KLHL25: variants seen among roughly 807,000 people sequenced by gnomAD.
KLHL25 encodes kelch like family member 25.
Under a neutral mutation model 30.0 loss-of-function variants are expected in KLHL25, and 41 were observed. The ratio of observed to expected loss-of-function variants is 1.37; its 90% CI spans 1.07 to 1.78. The LOEUF is 1.78. Among genes scored for constraint, KLHL25 ranks in the 40% most tolerant of loss-of-function variants. KLHL25 has a pLI of 0.00. For missense variants in KLHL25, 971 were observed against 824.5 expected, an observed-to-expected ratio of 1.18 and a Z score of -2.18; for synonymous variants, 399 against 355.3, an observed-to-expected ratio of 1.12 and a Z score of -1.38.
chr15:85,777,413 A>G (rs2542595), intron 1 of KLHL25, among the ~76,000 whole-genome samples: 63,422 of 151,988 alleles, frequency 0.42, 13,371 homozygotes, highest in Non-Finnish European at 0.44. Flanking sequence ...ACACAGACAC[A>G]GTGTCCCTTG....
chr15:85,768,681 G>A lies in KLHL25; in HGVS notation c.1130C>T (p.Ala377Val). The A allele has an allele frequency of 6.2e-7, 1 of 1,613,292 alleles. No individual in the cohort carries two copies. Among genetic ancestry groups the A allele is most frequent in the Non-Finnish European group, 8.5e-7 (1 of 1,179,628 alleles). ...EWSKAAPMLI[A>V]RFGHGSAELE... ...CTCAGCTGAGCCATGGCCAAAGCGG[G>A]CAATCAGCATGGGCGCCGCCTTGGA... The change falls in exon 2 of 3, where the codon GCC becomes GTC. Residue 377 changes from alanine (A) to valine (V), a missense_variant. By Grantham distance (64) the Ala-to-Val change is moderately conservative. Transcript: ENST00000337975.
At chr15:85,781,336 G>T (rs537758028) in intron 1 of KLHL25, among the ~76,000 whole-genome samples, 13 of 152,344 alleles carry the variant, frequency 8.5e-5, no homozygotes, top group Non-Finnish European at 1.9e-4. Context: ...GGTTCACTGA[G>T]TTATGCACTC....
chr15:85,779,943 T>C (rs1315238047), intron 1 of KLHL25, among the ~76,000 whole-genome samples: 3 of 152,334 alleles, frequency 2.0e-5, no homozygotes, highest in Non-Finnish European at 2.9e-5. Context: ...TAAATCCTTT[T>C]GAGAAAAAAT....
chr15:85,786,408 G>A lies in KLHL25; in HGVS notation c.-11+8358C>T, dbSNP rs544398653. ...CCCAGCAGTAATGAATTCCTCTGGGGCCCAGGCCATGGTCAGCAGTTCCCT... is the reference window on the plus strand; with the variant it reads ...CCCAGCAGTAATGAATTCCTCTGGGACCCAGGCCATGGTCAGCAGTTCCCT... On this transcript the variant is annotated intron_variant, in intron 1 of 2. Transcript: ENST00000337975. Among the ~76,000 whole-genome samples, 6 of 152,328 alleles carry A rather than the reference G, an allele frequency of 3.9e-5. No individual in the cohort carries two copies. In the South Asian group the frequency reaches 1.0e-3, roughly 26 times the overall value.
chr15:85,777,896 A>C (rs2089719725), intron 1 of KLHL25, among the ~76,000 whole-genome samples: 3 of 152,220 alleles, frequency 2.0e-5, no homozygotes, highest in Admixed American at 2.0e-4. Flanking sequence ...AGCCAAATCA[A>C]ATGCACGACT....
intron 1 of KLHL25, among the ~76,000 whole-genome samples, chr15:85,793,461 G>T (rs542148738): frequency 1.4e-4 from 21 of 152,230 alleles, no homozygotes; most frequent in Non-Finnish European, 2.9e-4. Context: ...ACACCAAATG[G>T]ACCCTGAGGT....
chr15:85,764,598 A>G (rs985929918), intron 2 of KLHL25: 2 of 152,258 alleles, frequency 1.3e-5, no homozygotes, highest in African/African-American at 4.8e-5. Flanking sequence ...TGATGACAGC[A>G]ATCCCATTAC....
chr15:85,775,182 G>A (rs563839387), intron 1 of KLHL25, among the ~76,000 whole-genome samples: 135 of 152,226 alleles, frequency 8.9e-4, no homozygotes, highest in African/African-American at 3.1e-3. Context: ...CGGCCAGGGC[G>A]ATTATTTTAG....
chr15:85,761,857 G>A lies in KLHL25; in HGVS notation c.*25-846C>T, dbSNP rs1408108299. The A allele has an allele frequency of 2.6e-5, 4 of 152,252 alleles. No individual in the cohort carries two copies. The South Asian group carries it at 8.3e-4, about 32-fold the overall frequency. The allele number at this position is 152,252 out of a possible 1,614,324, so 9.4% of individuals were successfully genotyped here. ...GGTTTTTGGCTTTGGTTGTATTTAAGCTGTACGTGTTAGTTTTAGTTGTGT... is the reference window on the plus strand; with the variant it reads ...GGTTTTTGGCTTTGGTTGTATTTAAACTGTACGTGTTAGTTTTAGTTGTGT... On this transcript the variant is annotated intron_variant, in intron 2 of 2. Coordinates refer to ENST00000337975, the MANE Select transcript of KLHL25 (RefSeq NM_022480.4).
chr15:85,769,415 C>T lies in KLHL25; in HGVS notation c.396G>A (p.Val132=). The stretch of plus-strand genomic sequence containing the variant: ...CCAGGAACTCGGCGGCAGCATCCCG[C>T]ACATCGTGGAACTGCAGCATGTCGC... ...EAGDMLQFHD[V]RDAAAEFLEK... is the part of the protein sequence containing the mutation. The change falls in exon 2 of 3, where the codon GTG becomes GTA. Residue 132 remains valine (V), a synonymous_variant. Coordinates refer to ENST00000337975, the MANE Select transcript of KLHL25 (RefSeq NM_022480.4). 1 of 1,614,134 alleles carries T rather than the reference C, an allele frequency of 6.2e-7. No individual in the cohort carries two copies. The highest frequency in any genetic ancestry group is 1.7e-5 in the Admixed American group (1 of 60,018).
chr15:85,761,576 G>T (rs1420898667), intron 2 of KLHL25: 1 of 150,612 alleles, frequency 6.6e-6, no homozygotes, highest in Non-Finnish European at 1.5e-5. Context: ...TTGGGCTGAG[G>T]TCTGTCCCCA....
intron 1 of KLHL25, among the ~76,000 whole-genome samples, chr15:85,772,046 T>G (rs2089679002): frequency 6.6e-6 from 1 of 152,146 alleles, no homozygotes; most frequent in African/African-American, 2.4e-5. Flanking sequence ...ATTGCTAAAC[T>G]CTCACTCCAG....
At chr15:85,778,051 G>A (rs1340649025) in intron 1 of KLHL25, among the ~76,000 whole-genome samples, 2 of 152,220 alleles carry the variant, frequency 1.3e-5, no homozygotes, top group Admixed American at 6.5e-5. Context: ...CGCAGCAGCT[G>A]TACAGGAGAA....
At chr15:85,778,674 G>A (rs576244240) in intron 1 of KLHL25, among the ~76,000 whole-genome samples, 7 of 152,284 alleles carry the variant, frequency 4.6e-5, no homozygotes, top group African/African-American at 1.2e-4. Flanking sequence ...GGGAAGGGGC[G>A]GCGTTCAAAT....
intron 2 of KLHL25, chr15:85,762,291 G>A (rs937469038): frequency 1.3e-5 from 2 of 152,396 alleles, no homozygotes; most frequent in African/African-American, 4.8e-5. Context: ...GGTCCCTTCA[G>A]GGCAAGGCCT....
intron 2 of KLHL25, among the ~76,000 whole-genome samples, chr15:85,765,720 T>G (rs752066416): frequency 1.1e-4 from 16 of 150,084 alleles, no homozygotes; most frequent in Admixed American, 2.7e-4. Flanking sequence ...TAATCCCAGC[T>G]ACTCAGGAGG....
Position 85,769,737 on chromosome 15 carries a change from T to C in KLHL25, c.74A>G (p.Lys25Arg), listed in dbSNP as rs2089657327. 1.2e-6 allele frequency: 2 copies of C among 1,613,804 alleles called. No individual in the cohort carries two copies. The highest frequency in any genetic ancestry group is 8.5e-7 in the Non-Finnish European group (1 of 1,180,022). ...TGSMNVTLFH[K>R]ASHPDCVLAH... ...CAGCACACAGTCCGGGTGGGAGGCCTTGTGGAAGAGGGTGACGTTCATGGA... is the reference window on the plus strand; with the variant it reads ...CAGCACACAGTCCGGGTGGGAGGCCCTGTGGAAGAGGGTGACGTTCATGGA... Residue 25 changes from lysine (K) to arginine (R), a missense_variant, in exon 2 of 3, where the codon AAG becomes AGG. Physicochemically the swap from Lys to Arg is conservative, Grantham distance 26. Coordinates refer to ENST00000337975, the MANE Select transcript of KLHL25 (RefSeq NM_022480.4).
At chr15:85,765,837 A>AG (rs1156928295) in intron 2 of KLHL25, among the ~76,000 whole-genome samples, 3 of 151,550 alleles carry the variant, frequency 2.0e-5, no homozygotes, top group Admixed American at 6.6e-5. Context: ...TCAAAAAAAA[A>AG]AAAAAGAAAA....
rs2089643434 is a variant in KLHL25 at position 85,768,724 on chromosome 15, T to TG, written c.1086dup (p.Thr363HisfsTer4). 6.2e-7 allele frequency: 1 copy of TG among 1,613,290 alleles called. No individual in the cohort carries two copies. Among genetic ancestry groups the TG allele is most frequent in the African/African-American group, 1.3e-5 (1 of 74,922 alleles). ...GCCTTGGACCATTCCTCATGTACGG[T>TG]GTCGTACACCCAGACATCCTTGGAG... On this transcript the variant is annotated frameshift_variant, in exon 2 of 3. Coordinates refer to ENST00000337975, the MANE Select transcript of KLHL25 (RefSeq NM_022480.4). LOFTEE classifies it high-confidence loss of function.
Sources: gnomAD v4.1 joint callset for allele counts (sites outside exome capture counted in the v4.1 genomes callset) on GRCh38, gnomAD v4.1.1 for gene constraint, MANE v1.5 for transcripts, NCBI Gene and HGNC (gene_info 2026-07-23, HGNC 2026-07-21) for gene names.